SCHIP1: variants seen among roughly 807,000 people sequenced by gnomAD.
SCHIP1 encodes schwannomin-interacting protein 1.
In SCHIP1, 8 loss-of-function variants were observed where a neutral mutation model predicts 29.7. The observed-to-expected ratio is 0.27, with a 90% CI of 0.16 to 0.49. SCHIP1 has a LOEUF of 0.49. Ranked by LOEUF, SCHIP1 falls within the 20% of genes least tolerant of loss-of-function variation. SCHIP1 has a pLI of 0.99. For synonymous variants in SCHIP1, 76 were observed against 94.9 expected, an observed-to-expected ratio of 0.80 and a Z score of 1.16; for missense variants, 193 against 294.6, an observed-to-expected ratio of 0.66 and a Z score of 2.52.
intron 1 of SCHIP1, among the ~76,000 whole-genome samples, chr3:159,850,340 G>A (rs1043573222): frequency 3.3e-5 from 5 of 152,082 alleles, no homozygotes; most frequent in Non-Finnish European, 5.9e-5. Flanking sequence ...GATCACCTGA[G>A]GTCAGGAGTT....
the SCHIP1 span, among the ~76,000 whole-genome samples, chr3:159,408,966 T>G: frequency 1.3e-5 from 2 of 152,204 alleles, no homozygotes; most frequent in African/African-American, 4.8e-5. Flanking sequence ...ATCCCAGAGA[T>G]GCAAGGACAA....
At chr3:159,275,841 T>G in the SCHIP1 span, among the ~76,000 whole-genome samples, 5 of 152,200 alleles carry the variant, frequency 3.3e-5, no homozygotes, top group African/African-American at 1.2e-4. Flanking sequence ...TCTTTTCTTT[T>G]TTAAATAACA....
At chr3:159,727,337 T>C in the SCHIP1 span, among the ~76,000 whole-genome samples, 412 of 152,338 alleles carry the variant, frequency 2.7e-3, 3 homozygotes, top group African/African-American at 9.3e-3. Flanking sequence ...ATTTATTTAC[T>C]GGTCTGCCTC....
chr3:159,730,995 A>C, the SCHIP1 span, among the ~76,000 whole-genome samples: 6 of 152,182 alleles, frequency 3.9e-5, no homozygotes, highest in Non-Finnish European at 7.3e-5. Context: ...CTTTGTCCTT[A>C]AAACTCAAAA....
At chr3:159,813,845 A>T in the SCHIP1 span, among the ~76,000 whole-genome samples, 31 of 152,354 alleles carry the variant, frequency 2.0e-4, no homozygotes, top group South Asian at 6.2e-3. Context: ...GTACCAAGAT[A>T]AAACTAATAT....
the SCHIP1 span, among the ~76,000 whole-genome samples, chr3:159,664,983 T>C: frequency 6.6e-6 from 1 of 152,220 alleles, no homozygotes; most frequent in Non-Finnish European, 1.5e-5. Context: ...ATTCTAATGC[T>C]TTGGTTCCAA....
chr3:159,663,064 T>C, the SCHIP1 span, among the ~76,000 whole-genome samples: 1 of 152,186 alleles, frequency 6.6e-6, no homozygotes, highest in Admixed American at 6.5e-5. Context: ...TTTCCTCAGA[T>C]CTCTTGGAAG....
chr3:159,646,372 C>G, the SCHIP1 span, among the ~76,000 whole-genome samples: 1 of 152,150 alleles, frequency 6.6e-6, no homozygotes. Context: ...AATGTCTTAC[C>G]ACTTCTGGCT....
the SCHIP1 span, among the ~76,000 whole-genome samples, chr3:159,276,517 C>T: frequency 6.6e-6 from 1 of 152,154 alleles, no homozygotes; most frequent in Non-Finnish European, 1.5e-5. Context: ...TTTTTGTCCT[C>T]AGTTACTACA....
chr3:159,358,827 G>A, the SCHIP1 span, among the ~76,000 whole-genome samples: 14 of 151,778 alleles, frequency 9.2e-5, no homozygotes, highest in African/African-American at 2.2e-4. Flanking sequence ...CTTAGGCTGC[G>A]CTTATGAGAG....
the SCHIP1 span, among the ~76,000 whole-genome samples, chr3:159,327,220 A>G: frequency 3.3e-5 from 5 of 152,202 alleles, no homozygotes; most frequent in East Asian, 9.6e-4. Flanking sequence ...CCAGGATTGC[A>G]TTGCCAGATC....
At chr3:159,411,051 C>T in the SCHIP1 span, among the ~76,000 whole-genome samples, 1 of 151,816 alleles carries the variant, frequency 6.6e-6, no homozygotes, top group African/African-American at 2.4e-5. Flanking sequence ...CGTGTTCTCA[C>T]TTATTTGTGG....
At chr3:159,295,661 A>G in the SCHIP1 span, among the ~76,000 whole-genome samples, 1 of 152,158 alleles carries the variant, frequency 6.6e-6, no homozygotes, top group Non-Finnish European at 1.5e-5. Context: ...AGGCTCTGAG[A>G]AATAGTGCTT....
intron 1 of SCHIP1, among the ~76,000 whole-genome samples, chr3:159,843,822 CAAAAAAAAA>C (rs1161141544): frequency 1.8e-4 from 7 of 39,990 alleles, no homozygotes; most frequent in African/African-American, 6.2e-4. Flanking sequence ...GACTCTGTCT[CAAAAAAAAA>C]AAAAAAAAAA....
the SCHIP1 span, among the ~76,000 whole-genome samples, chr3:159,482,856 G>C: frequency 6.6e-6 from 1 of 152,146 alleles, no homozygotes; most frequent in Non-Finnish European, 1.5e-5. Context: ...ATGCCCAACA[G>C]TGAGTAGTAC....
In SCHIP1 at chr3:159,839,876, T is replaced by A. The variant is rs902122951; in HGVS notation, c.-309T>A. 20 of 1,381,580 alleles carry A rather than the reference T, an allele frequency of 1.4e-5. No individual in the cohort carries two copies. The East Asian group carries it at 1.7e-4, about 11-fold the overall frequency. 85.6% of individuals were successfully genotyped at this position (1,381,580 alleles called of 1,614,324 possible). On this transcript the variant is annotated 5_prime_UTR_variant, in exon 1 of 7. Coordinates refer to ENST00000445224, the Ensembl canonical transcript of SCHIP1. ...AGACTGATCCTTTTCTTTGTGCCTA[T>A]AATATAATTGGCTGATTGTGCGGGT...
chr3:159,313,369 T>C, the SCHIP1 span, among the ~76,000 whole-genome samples: 1 of 152,330 alleles, frequency 6.6e-6, no homozygotes, highest in South Asian at 2.1e-4. Flanking sequence ...TGTTTTTCTG[T>C]TTAGTGCCTA....
the SCHIP1 span, among the ~76,000 whole-genome samples, chr3:159,464,169 G>C: frequency 6.6e-6 from 1 of 152,108 alleles, no homozygotes; most frequent in East Asian, 1.9e-4. Flanking sequence ...GAGAGAATAT[G>C]ATTCAGGAAC....
chr3:159,540,000 A>G, the SCHIP1 span, among the ~76,000 whole-genome samples: 1 of 152,026 alleles, frequency 6.6e-6, no homozygotes, highest in Non-Finnish European at 1.5e-5. Flanking sequence ...CTGAAGTTCA[A>G]AAGTCTAATT....
Sources: allele counts gnomAD v4.1 joint callset (sites outside exome capture counted in the v4.1 genomes callset), GRCh38; gene constraint gnomAD v4.1.1; transcripts MANE v1.5; gene names NCBI Gene and HGNC (gene_info 2026-07-23, HGNC 2026-07-21).